The following ZBTB46 variants were observed in gnomAD, a reference collection of about 807,000 sequenced individuals.
ZBTB46 encodes the protein zinc finger and BTB domain containing 46.
ZBTB46 carries 8 observed loss-of-function variants against 44.1 expected under a neutral mutation model. The ratio of observed to expected loss-of-function variants is 0.18; its 90% confidence interval spans 0.11 to 0.33. The LOEUF is 0.33. Ranked by LOEUF, ZBTB46 falls within the 10% of genes least tolerant of loss-of-function variation. The pLI, the probability that ZBTB46 is intolerant of heterozygous loss-of-function variation, is 1.00. For missense variants in ZBTB46, 651 were observed against 847.7 expected, an observed-to-expected ratio of 0.77 and a Z score of 2.88; for synonymous variants, 409 against 382.3, an observed-to-expected ratio of 1.07 and a Z score of -0.81.
intron 3 of ZBTB46, among the ~76,000 whole-genome samples, chr20:63,760,203 C>T (rs754407992): frequency 1.3e-4 from 20 of 152,114 alleles, no homozygotes; most frequent in Non-Finnish European, 1.9e-4. Flanking sequence ...CATTTTCTTC[C>T]GTTAAAATTG....
At chr20:63,753,384 G>A (rs563998384) in intron 3 of ZBTB46, among the ~76,000 whole-genome samples, 2 of 152,214 alleles carry the variant, frequency 1.3e-5, no homozygotes, top group Non-Finnish European at 1.5e-5. Flanking sequence ...GCTGGACGCC[G>A]GAGAAGCAGC....
At chr20:63,782,937 C>T (rs145025860) in intron 2 of ZBTB46, among the ~76,000 whole-genome samples, 10 of 150,412 alleles carry the variant, frequency 6.6e-5, no homozygotes, top group Admixed American at 1.3e-4. Context: ...TCCCGTCTCC[C>T]GTCATAGTGA....
intron 2 of ZBTB46, among the ~76,000 whole-genome samples, chr20:63,789,463 C>A (rs2092541768): frequency 6.6e-6 from 1 of 152,222 alleles, no homozygotes; most frequent in South Asian, 2.1e-4. Context: ...GGAAGCCGAC[C>A]CTGCAGGCCA....
At chr20:63,784,032 C>T (rs2092492120) in intron 2 of ZBTB46, among the ~76,000 whole-genome samples, 1 of 152,200 alleles carries the variant, frequency 6.6e-6, no homozygotes, top group Non-Finnish European at 1.5e-5. Flanking sequence ...TCAGAGGTAA[C>T]TCCCTGCCCT....
At chr20:63,810,722 G>A (rs1441840014) in intron 1 of ZBTB46, among the ~76,000 whole-genome samples, 1 of 152,082 alleles carries the variant, frequency 6.6e-6, no homozygotes, top group Non-Finnish European at 1.5e-5. Flanking sequence ...CTCCAGTCTG[G>A]GCAACAGAGT....
At chr20:63,748,965 C>CG (rs2092132429) in intron 4 of ZBTB46, among the ~76,000 whole-genome samples, 1 of 152,238 alleles carries the variant, frequency 6.6e-6, no homozygotes, top group Non-Finnish European at 1.5e-5. Flanking sequence ...GGGCTGGACC[C>CG]GGGCCCTTAC....
chr20:63,775,866 TCTC>T lies in ZBTB46; in HGVS notation c.1031_1033del (p.Gly344del). On this transcript the variant is annotated inframe_deletion, in exon 3 of 5. Coordinates refer to ENST00000245663, the MANE Select transcript of ZBTB46 (RefSeq NM_001369741.1). ...GAGGGGAGGGCCCAGATAGCTGGCT[TCTC>T]CTCCCAGGAGACCCTCCTCCACCTG... The T allele has an allele frequency of 1.9e-6, 3 of 1,613,104 alleles. No individual in the cohort carries two copies. The highest frequency in any genetic ancestry group is 2.2e-5 in the East Asian group (1 of 44,874).
At chr20:63,750,167 C>A (rs922761765) in intron 4 of ZBTB46, among the ~76,000 whole-genome samples, 1 of 152,228 alleles carries the variant, frequency 6.6e-6, no homozygotes, top group African/African-American at 2.4e-5. Context: ...CGGGTCTCCA[C>A]GCTCTCAGGT....
At chr20:63,777,896 C>G (rs976630108) in intron 2 of ZBTB46, among the ~76,000 whole-genome samples, 2 of 152,186 alleles carry the variant, frequency 1.3e-5, no homozygotes, top group African/African-American at 4.8e-5. Flanking sequence ...CACAGAACCA[C>G]GCAGAGGAGC....
At chr20:63,823,026 A>C (rs1016973108) in intron 1 of ZBTB46, among the ~76,000 whole-genome samples, 6 of 151,926 alleles carry the variant, frequency 3.9e-5, no homozygotes, top group Non-Finnish European at 5.9e-5. Flanking sequence ...TTAGCTGGGC[A>C]TGGTGGCGCG....
chr20:63,827,262 T>C (rs942741296), intron 1 of ZBTB46, among the ~76,000 whole-genome samples: 9 of 152,190 alleles, frequency 5.9e-5, no homozygotes, highest in Non-Finnish European at 1.3e-4. Context: ...AGAGCTGTCA[T>C]GAATAGGAAA....
intron 1 of ZBTB46, among the ~76,000 whole-genome samples, chr20:63,796,057 C>T (rs2092601321): frequency 6.6e-6 from 1 of 152,222 alleles, no homozygotes; most frequent in Admixed American, 6.5e-5. Flanking sequence ...ATGCCTGTGT[C>T]GCAGGACGCA....
chr20:63,826,008 T>C (rs535262355), intron 1 of ZBTB46, among the ~76,000 whole-genome samples: 2 of 151,988 alleles, frequency 1.3e-5, no homozygotes, highest in African/African-American at 4.8e-5. Context: ...ACACCGGGAG[T>C]TCCTAAGCCC....
In ZBTB46 at chr20:63,747,275, C is replaced by A; in HGVS notation, c.1425G>T (p.Val475=). The change falls in exon 5 of 5, where the codon GTG becomes GTT. Residue 475 remains valine, a synonymous_variant. Coordinates refer to ENST00000245663, the MANE Select transcript of ZBTB46 (RefSeq NM_001369741.1). ...TGAAGACGCGGCTGCACACCTTGCACACATACTTCTTGTCCTTGCTGTGGA... is the reference window on the plus strand; with the variant it reads ...TGAAGACGCGGCTGCACACCTTGCAAACATACTTCTTGTCCTTGCTGTGGA... The part of the protein sequence containing the change: ...TLVHSKDKKY[V]CKVCSRVFMS... 1 of 1,512,288 alleles carries A rather than the reference C, an allele frequency of 6.6e-7. No homozygotes were observed. 93.7% of individuals were successfully genotyped at this position (1,512,288 alleles called of 1,614,324 possible).
At chr20:63,802,249 C>T (rs1458603489) in intron 1 of ZBTB46, among the ~76,000 whole-genome samples, 1 of 152,042 alleles carries the variant, frequency 6.6e-6, no homozygotes. Context: ...ATGGTAAACC[C>T]CCGTCTCTAC....
intron 1 of ZBTB46, among the ~76,000 whole-genome samples, chr20:63,809,268 G>A (rs1211337871): frequency 6.6e-6 from 1 of 152,204 alleles, no homozygotes; most frequent in East Asian, 1.9e-4. Flanking sequence ...CGTGGGCCAC[G>A]CCCAGCGCGT....
chr20:63,778,146 C>G (rs1330181913), intron 2 of ZBTB46, among the ~76,000 whole-genome samples: 1 of 151,610 alleles, frequency 6.6e-6, no homozygotes, highest in Non-Finnish European at 1.5e-5. Context: ...TACCAAAAAC[C>G]TCTGAACTGC....
intron 2 of ZBTB46, among the ~76,000 whole-genome samples, chr20:63,784,457 A>G (rs2092496184): frequency 6.6e-6 from 1 of 152,242 alleles, no homozygotes; most frequent in Non-Finnish European, 1.5e-5. Flanking sequence ...CACACTTCAC[A>G]GAACACACAG....
chr20:63,832,359 G>A (rs911360113), upstream of ZBTB46, among the ~76,000 whole-genome samples: 3 of 152,092 alleles, frequency 2.0e-5, no homozygotes, highest in Non-Finnish European at 2.9e-5. The surrounding 1 kb of genome is among the most constrained non-coding windows in gnomAD (Gnocchi z 5.0). Flanking sequence ...GTGGCCGGCA[G>A]CCGCGCGAGG....
Sources: gnomAD v4.1 joint callset for allele counts (sites outside exome capture counted in the v4.1 genomes callset) on GRCh38, gnomAD v4.1.1 for gene constraint, Gnocchi (gnomAD v3.1) non-coding constraint, MANE v1.5 for transcripts, NCBI Gene and HGNC (gene_info 2026-07-23, HGNC 2026-07-21) for gene names.